Variants in HIVEP2 observed in about 807,000 individuals in gnomAD.
HIVEP2 encodes the protein transcription factor HIVEP2.
A neutral mutation model predicts 180.7 loss-of-function variants in HIVEP2; 14 were observed. The ratio of observed to expected loss-of-function variants is 0.08; its 90% CI spans 0.05 to 0.12. HIVEP2 has a LOEUF of 0.12. Ranked by LOEUF, HIVEP2 falls within the 10% of genes least tolerant of loss-of-function variation. The probability of loss-of-function intolerance (pLI) is 1.00; values close to 1 mark genes in which losing one functional copy is unlikely to be tolerated. For synonymous variants in HIVEP2, 1,184 were observed against 1,136.4 expected (o/e 1.04, Z -0.84); for missense variants, 2,579 against 3,008.5 (o/e 0.86, Z 3.34).
At position 142,818,655 on chromosome 6, in the gene HIVEP2, T is replaced by G; in HGVS notation, c.-528+18280A>C. Among the ~76,000 whole-genome samples the G allele has an allele frequency of 2.9e-5, 3 of 102,386 alleles. 1 individual carries two copies. Among genetic ancestry groups the G allele is most frequent in the Admixed American group, 1.1e-4 (1 of 9,090 alleles). 67.2% of individuals were successfully genotyped at this position (102,386 alleles called of 152,430 possible). Reference sequence around the variant, plus strand: ...CTGCATTCTAGCCTGGGGGACAGAGTAAAACTCTGTCAAAAAAAAAAAGAA... The same window carrying G: ...CTGCATTCTAGCCTGGGGGACAGAGGAAAACTCTGTCAAAAAAAAAAAGAA... On this transcript the variant is annotated intron_variant, in intron 2 of 9. Coordinates refer to ENST00000367603, the MANE Select transcript of HIVEP2 (RefSeq NM_006734.4).
At chr6:142,926,879 G>A (rs1054027146) in intron 1 of HIVEP2, among the ~76,000 whole-genome samples, 2 of 152,122 alleles carry the variant, frequency 1.3e-5, no homozygotes, top group South Asian at 4.1e-4. Flanking sequence ...GGCAGGAAGG[G>A]GGGAGGCCGA....
chr6:142,796,618 A>C (rs375451194), intron 2 of HIVEP2, among the ~76,000 whole-genome samples: 2 of 152,168 alleles, frequency 1.3e-5, no homozygotes, highest in South Asian at 2.1e-4. Context: ...CTCAAACTGC[A>C]GTACACATTA....
intron 2 of HIVEP2, among the ~76,000 whole-genome samples, chr6:142,796,644 T>C (rs1776285330): frequency 1.3e-5 from 2 of 152,212 alleles, no homozygotes; most frequent in Admixed American, 1.3e-4. Flanking sequence ...TCCAGCTTTT[T>C]CTAATGTCAT....
chr6:142,916,408 C>T (rs1777550019), intron 1 of HIVEP2, among the ~76,000 whole-genome samples: 1 of 152,178 alleles, frequency 6.6e-6, no homozygotes, highest in Non-Finnish European at 1.5e-5. Flanking sequence ...CCCTGTGCAG[C>T]TCCCTTGTTC....
intron 1 of HIVEP2, among the ~76,000 whole-genome samples, chr6:142,926,519 G>A (rs1562294957): frequency 6.6e-6 from 1 of 152,238 alleles, no homozygotes; most frequent in Non-Finnish European, 1.5e-5. Context: ...AAAAGAAAGA[G>A]CGTATATTCT....
chr6:142,768,989 C>T (rs1775448712), intron 5 of HIVEP2, among the ~76,000 whole-genome samples: 1 of 148,704 alleles, frequency 6.7e-6, no homozygotes, highest in African/African-American at 2.4e-5. Flanking sequence ...TTCAAAATTC[C>T]CCTTAATATT....
rs548507033 is a variant in HIVEP2, at chr6:142,826,426, C to T, written c.-528+10509G>A. On this transcript the variant is annotated intron_variant, in intron 2 of 9. Transcript: ENST00000367603. Reference sequence around the variant, plus strand: ...CACTGGTTGAAATATCTTGCTAGTGCTTCCAAAGGTGGAAGATGTCCCCAT... The same window carrying T: ...CACTGGTTGAAATATCTTGCTAGTGTTTCCAAAGGTGGAAGATGTCCCCAT... 9.2e-5 allele frequency among the ~76,000 whole-genome samples: 14 copies of T among 152,332 alleles called. No homozygotes were observed. In the South Asian group the frequency reaches 2.7e-3, roughly 29 times the overall value.
chr6:142,823,404 C>A (rs1777094378), intron 2 of HIVEP2, among the ~76,000 whole-genome samples: 1 of 152,188 alleles, frequency 6.6e-6, no homozygotes, highest in African/African-American at 2.4e-5. Flanking sequence ...TTGCACCAGT[C>A]AAAGAGTGAC....
intron 1 of HIVEP2, among the ~76,000 whole-genome samples, chr6:142,848,280 G>C (rs1775565535): frequency 6.6e-6 from 1 of 152,184 alleles, no homozygotes; most frequent in African/African-American, 2.4e-5. Context: ...ATGGGGGAAG[G>C]TATCACTTCT....
intron 1 of HIVEP2, among the ~76,000 whole-genome samples, chr6:142,936,595 T>C (rs1264080354): frequency 2.0e-5 from 3 of 152,164 alleles, no homozygotes; most frequent in African/African-American, 7.2e-5. Flanking sequence ...TGTCAAAAAC[T>C]ACCTTACTAT....
At chr6:142,827,850 C>T (rs775518549) in intron 2 of HIVEP2, among the ~76,000 whole-genome samples, 1 of 152,162 alleles carries the variant, frequency 6.6e-6, no homozygotes, top group Admixed American at 6.5e-5. Context: ...TAAGACCAAC[C>T]CAAGCATAAA....
chr6:142,837,153 T>A (rs1775245937), intron 1 of HIVEP2, 106 bp from the exon 2 acceptor site: 1 of 152,172 alleles, frequency 6.6e-6, no homozygotes, highest in African/African-American at 2.4e-5. Context: ...TATTATACTA[T>A]CTTTTCCTAC....
At chr6:142,762,866 A>G (rs2114620885) in intron 7 of HIVEP2, among the ~76,000 whole-genome samples, 1 of 152,286 alleles carries the variant, frequency 6.6e-6, no homozygotes. Flanking sequence ...AAATATTTCC[A>G]GGCCCCCACT....
intron 1 of HIVEP2, among the ~76,000 whole-genome samples, chr6:142,912,621 G>A (rs1038281402): frequency 6.6e-6 from 1 of 152,236 alleles, no homozygotes; most frequent in Non-Finnish European, 1.5e-5. Context: ...ATTACTGCCT[G>A]AGCTCCACCT....
In HIVEP2 at chr6:142,840,052, A is replaced by T. The variant is rs1049933367; in HGVS notation, c.-640-3005T>A. ...GGATGGGAAGGAAAAGGGGAGAGTA[A>T]TGAGTTCAGAGTGAGAGAGAACAGA... On this transcript the variant is annotated intron_variant, in intron 1 of 9. Transcript: ENST00000367603. 3.6e-4 allele frequency among the ~76,000 whole-genome samples: 55 copies of T among 152,154 alleles called. 3 individuals carry two copies.
At chr6:142,903,453 C>A (rs916623319) in intron 1 of HIVEP2, among the ~76,000 whole-genome samples, 20 of 152,154 alleles carry the variant, frequency 1.3e-4, no homozygotes, top group African/African-American at 4.8e-4. Flanking sequence ...TCTATTGAAA[C>A]TATTCCCTGA....
intron 1 of HIVEP2, among the ~76,000 whole-genome samples, chr6:142,883,557 C>T (rs1429228743): frequency 1.3e-5 from 2 of 152,102 alleles, no homozygotes; most frequent in African/African-American, 2.4e-5. Flanking sequence ...AGTGCAAATA[C>T]ATTTTAAAGA....
intron 2 of HIVEP2, among the ~76,000 whole-genome samples, chr6:142,823,230 C>G (rs559732135): frequency 6.6e-6 from 1 of 152,272 alleles, no homozygotes; most frequent in South Asian, 2.1e-4. Flanking sequence ...GGGTCCTTGT[C>G]ATGGGTCCCA....
chr6:142,776,583 T>G, intron 3 of HIVEP2, among the ~76,000 whole-genome samples: 1 of 150,784 alleles, frequency 6.6e-6, no homozygotes, highest in Middle Eastern at 3.4e-3. Flanking sequence ...CAGGCTGGAG[T>G]ACAGTGGTGC....
Sources: allele counts gnomAD v4.1 joint callset (sites outside exome capture counted in the v4.1 genomes callset), GRCh38; gene constraint gnomAD v4.1.1; transcripts MANE v1.5; gene names NCBI Gene and HGNC (gene_info 2026-07-23, HGNC 2026-07-21).